ARL17B: variants seen among roughly 807,000 people sequenced by gnomAD.
ARL17B encodes ARF like GTPase 17B.
chr17:46,323,720 G>C (rs2051533858), intron 3 of ARL17B, among the ~76,000 whole-genome samples: 1 of 104,350 alleles, frequency 9.6e-6, no homozygotes, highest in Non-Finnish European at 2.3e-5. Flanking sequence ...TTTTTTTTGA[G>C]ATTATGCTAC....
chr17:46,332,264 G>A (rs1413787194), downstream of ARL17B, among the ~76,000 whole-genome samples: 4 of 52,740 alleles, frequency 7.6e-5, no homozygotes, highest in Non-Finnish European at 1.3e-4. Context: ...GACCAGCTTG[G>A]CCAACATAGT....
rs1252222543 is a variant in ARL17B at position 46,340,840 on chromosome 17, C to T, written c.260-1066G>A. On this transcript the variant is annotated intron_variant, in intron 3 of 3. Coordinates refer to ENST00000450673, the MANE Select transcript of ARL17B (RefSeq NM_001039083.5). ...TACAGGCATGAGTCACTGTGCCCCGCCAGGAAATTCAGTTTCTGAAAATAC... is the reference window on the plus strand; with the variant it reads ...TACAGGCATGAGTCACTGTGCCCCGTCAGGAAATTCAGTTTCTGAAAATAC... Among the ~76,000 whole-genome samples, 3 of 79,188 alleles carry T rather than the reference C, an allele frequency of 3.8e-5. 1 individual carries two copies. Among genetic ancestry groups the T allele is most frequent in the Admixed American group, 2.5e-4 (2 of 7,978 alleles). 52.0% of individuals were successfully genotyped at this position (79,188 alleles called of 152,430 possible).
At chr17:46,284,875 C>T (rs1227632490) in intron 4 of ARL17B, among the ~76,000 whole-genome samples, 2 of 152,106 alleles carry the variant, frequency 1.3e-5, no homozygotes, top group East Asian at 3.8e-4. Flanking sequence ...CTTTTATTTC[C>T]CCCCATTGTT....
chr17:46,282,848 G>A (rs1322064160), intron 4 of ARL17B, among the ~76,000 whole-genome samples: 2 of 152,238 alleles, frequency 1.3e-5, no homozygotes, highest in African/African-American at 4.8e-5. Context: ...GCTGGGCGCG[G>A]TGGCTCATGC....
intron 4 of ARL17B, among the ~76,000 whole-genome samples, chr17:46,284,094 T>C (rs1233742180): frequency 6.6e-6 from 1 of 152,242 alleles, no homozygotes; most frequent in Non-Finnish European, 1.5e-5. Flanking sequence ...GACAGATGCC[T>C]TCCTCTTGTC....
intron 4 of ARL17B, among the ~76,000 whole-genome samples, chr17:46,282,170 T>G (rs2049780607): frequency 1.3e-5 from 2 of 151,804 alleles, no homozygotes; most frequent in African/African-American, 4.9e-5. Flanking sequence ...TGGCGCAATC[T>G]CGGCTCACTG....
intron 4 of ARL17B, among the ~76,000 whole-genome samples, chr17:46,286,680 T>C (rs564275335): frequency 7.6e-4 from 116 of 152,324 alleles, no homozygotes; most frequent in Non-Finnish European, 1.6e-3. Flanking sequence ...GAATTTGTAA[T>C]GTAAGTGTAT....
intron 4 of ARL17B, among the ~76,000 whole-genome samples, chr17:46,285,063 C>G (rs1289429394): frequency 6.6e-6 from 1 of 152,076 alleles, no homozygotes; most frequent in African/African-American, 2.4e-5. Flanking sequence ...GAGATGGGGT[C>G]TCACTTTGTT....
At chr17:46,275,334 G>A in exon 5 of ARL17B, 1 of 878,238 alleles carries the variant, frequency 1.1e-6, no homozygotes, top group Non-Finnish European at 1.7e-6. Context: ...AAATAGTTCA[G>A]GCAACAAGAT....
intron 3 of ARL17B, among the ~76,000 whole-genome samples, chr17:46,308,075 A>G (rs1252794272): frequency 1.4e-5 from 1 of 71,090 alleles, no homozygotes; most frequent in Non-Finnish European, 4.1e-5. Context: ...CACTACAATT[A>G]TGTAGGCAAC....
intron 4 of ARL17B, among the ~76,000 whole-genome samples, chr17:46,279,233 G>T (rs1265078657): frequency 6.7e-6 from 1 of 149,370 alleles, no homozygotes; most frequent in African/African-American, 2.5e-5. Flanking sequence ...GCCTAGGCTG[G>T]AGTGCAGTGG....
chr17:46,275,181 C>T (rs1056286843), exon 5 of ARL17B: 5 of 313,002 alleles, frequency 1.6e-5, no homozygotes, highest in South Asian at 1.2e-4. Context: ...CGTGAGCCAC[C>T]GCACCTGGCA....
chr17:46,283,760 G>T (rs2049832795), intron 4 of ARL17B, among the ~76,000 whole-genome samples: 1 of 152,196 alleles, frequency 6.6e-6, no homozygotes, highest in Non-Finnish European at 1.5e-5. Flanking sequence ...GGAGGATGCT[G>T]CCGGCCTCTG....
At chr17:46,321,914 C>CAA (rs1263117066) in intron 3 of ARL17B, among the ~76,000 whole-genome samples, 7 of 10,982 alleles carry the variant, frequency 6.4e-4, no homozygotes, top group East Asian at 1.4e-3. Context: ...GACTCCATCT[C>CAA]AAAAAAAAAA....
rs1387318492 is a variant in ARL17B at position 46,280,544 on chromosome 17, T to C, written c.*22-5126A>G. ...TATATATTATTAAAAAGAAAAAAAT[T>C]TGTTTCCTTATTTTTGATAGCACAC... On this transcript the variant is annotated intron_variant, in intron 4 of 4. Coordinates refer to the ARL17B transcript ENST00000570618. 4.0e-5 allele frequency among the ~76,000 whole-genome samples: 6 copies of C among 151,714 alleles called. No individual in the cohort carries two copies. In the East Asian group the frequency reaches 9.7e-4, roughly 24 times the overall value.
intron 3 of ARL17B, among the ~76,000 whole-genome samples, chr17:46,314,454 G>A (rs1424756564): frequency 1.2e-5 from 1 of 81,126 alleles, no homozygotes; most frequent in Admixed American, 1.3e-4. Context: ...ATGTTCAGGT[G>A]ACGCCATTGC....
chr17:46,279,186 T>C (rs1277905009), intron 4 of ARL17B, among the ~76,000 whole-genome samples: 1 of 111,376 alleles, frequency 9.0e-6, no homozygotes, highest in Admixed American at 9.7e-5. Context: ...TTTTTTTTCT[T>C]TTTTTTTTTT....
intron 4 of ARL17B, among the ~76,000 whole-genome samples, chr17:46,282,804 C>T (rs1374168843): frequency 1.3e-5 from 2 of 152,228 alleles, no homozygotes; most frequent in South Asian, 2.1e-4. Context: ...GAAAGCACCC[C>T]GTGGCTTTTC....
At chr17:46,294,012 G>C (rs2050146179) in intron 4 of ARL17B, 1 of 101,662 alleles carries the variant, frequency 9.8e-6, no homozygotes, top group Non-Finnish European at 2.3e-5. Flanking sequence ...TTGGCCTCCT[G>C]AGTAGCTGGG....
Sources: gnomAD v4.1 joint callset for allele counts (sites outside exome capture counted in the v4.1 genomes callset) on GRCh38, gnomAD v4.1.1 for gene constraint, MANE v1.5 for transcripts, NCBI Gene and HGNC (gene_info 2026-07-23, HGNC 2026-07-21) for gene names.